The following CADM2 variants were observed in gnomAD, a reference collection of about 807,000 sequenced individuals.
The protein encoded by CADM2 is cell adhesion molecule 2.
In CADM2, 12 loss-of-function variants were observed where a neutral mutation model predicts 49.8. The observed-to-expected ratio is 0.24, with a 90% confidence interval of 0.15 to 0.39. The LOEUF is 0.39. CADM2 is among the 10% of genes least tolerant of loss of function. CADM2 has a pLI of 1.00. For missense variants in CADM2, 378 were observed against 492.3 expected (o/e 0.77, Z 2.20); for synonymous variants, 214 against 175.4 (o/e 1.22, Z -1.74).
At chr3:85,693,918 A>G (rs973528070) in intron 1 of CADM2, among the ~76,000 whole-genome samples, 4 of 151,498 alleles carry the variant, frequency 2.6e-5, no homozygotes, top group Non-Finnish European at 4.4e-5. Context: ...GAAAAAAGAA[A>G]AAAAAAAGAA....
At chr3:85,325,477 C>T (rs569330564) in intron 1 of CADM2, among the ~76,000 whole-genome samples, 2 of 152,100 alleles carry the variant, frequency 1.3e-5, no homozygotes, top group East Asian at 3.9e-4. Context: ...TTTGGGAGGC[C>T]GAGGCAGGCG....
intron 8 of CADM2, among the ~76,000 whole-genome samples, chr3:85,983,998 T>C (rs1577862015): frequency 6.7e-6 from 1 of 150,278 alleles, no homozygotes; most frequent in African/African-American, 2.4e-5. Context: ...TATATACATA[T>C]GTGTATATAT....
chr3:85,208,246 G>T (rs903056924), intron 1 of CADM2, among the ~76,000 whole-genome samples: 1 of 152,098 alleles, frequency 6.6e-6, no homozygotes, highest in Non-Finnish European at 1.5e-5. Flanking sequence ...AATTTAATTT[G>T]AAGATTTTAA....
chr3:86,035,490 A>G (rs1735048962), intron 8 of CADM2, among the ~76,000 whole-genome samples: 2 of 152,160 alleles, frequency 1.3e-5, no homozygotes, highest in East Asian at 1.9e-4. Context: ...ATAAAGATTA[A>G]AAAAACTACC....
intron 1 of CADM2, among the ~76,000 whole-genome samples, chr3:85,450,523 T>C (rs548856969): frequency 6.6e-6 from 1 of 151,978 alleles, no homozygotes; most frequent in Non-Finnish European, 1.5e-5. Context: ...ATGAATATAA[T>C]AAATGCAATA....
At chr3:84,985,601 G>A (rs914050161) in intron 1 of CADM2, among the ~76,000 whole-genome samples, 28 of 152,106 alleles carry the variant, frequency 1.8e-4, no homozygotes, top group African/African-American at 5.8e-4. Flanking sequence ...TGATGTTTGC[G>A]TCTTTGATGC....
chr3:85,121,016 A>G (rs536509894), intron 1 of CADM2, among the ~76,000 whole-genome samples: 6 of 152,150 alleles, frequency 3.9e-5, no homozygotes, highest in Non-Finnish European at 8.8e-5. Flanking sequence ...GAATCCAGAG[A>G]TACTTTGAAA....
intron 8 of CADM2, among the ~76,000 whole-genome samples, chr3:85,974,023 G>GTA (rs1263783125): frequency 2.0e-5 from 3 of 151,650 alleles, no homozygotes; most frequent in Non-Finnish European, 2.9e-5. Context: ...TTGGCTCAGA[G>GTA]TATATTTGTC....
chr3:84,980,354 A>G (rs1447770966), intron 1 of CADM2, among the ~76,000 whole-genome samples: 1 of 152,176 alleles, frequency 6.6e-6, no homozygotes, highest in Non-Finnish European at 1.5e-5. Flanking sequence ...GGTGATGATC[A>G]CCTCACTTAC....
intron 3 of CADM2, among the ~76,000 whole-genome samples, chr3:85,809,763 C>CCT (rs575170244): frequency 0.03 from 1,553 of 51,900 alleles, 141 homozygotes; most frequent in African/African-American, 0.22. Context: ...TCCCTCCCTC[C>CCT]CTCTCTCTCT....
In CADM2 at chr3:85,937,305, T is replaced by G. The variant is rs943359104; in HGVS notation, c.791+1448T>G. 7.2e-5 allele frequency among the ~76,000 whole-genome samples: 11 copies of G among 152,014 alleles called. 1 individual carries two copies. In the South Asian group the frequency reaches 1.0e-3, roughly 14 times the overall value. ...AATGAAAAGCACAATAATTTCTTAT[T>G]TATTTTATTTAAGAATACAAATTTC... On this transcript the variant is annotated intron_variant, in intron 7 of 9. Coordinates refer to ENST00000383699, the MANE Select transcript of CADM2 (RefSeq NM_001167675.2).
intron 1 of CADM2, among the ~76,000 whole-genome samples, chr3:85,302,327 C>T (rs1247079829): frequency 6.6e-6 from 1 of 151,976 alleles, no homozygotes; most frequent in Non-Finnish European, 1.5e-5. Flanking sequence ...GTAAATTTCC[C>T]CAAATCCCAT....
intron 8 of CADM2, among the ~76,000 whole-genome samples, chr3:86,006,860 G>A (rs569888598): frequency 1.6e-4 from 24 of 151,860 alleles, no homozygotes; most frequent in Non-Finnish European, 3.2e-4. Flanking sequence ...GGCCAACATG[G>A]TGAAACCCCA....
intron 1 of CADM2, among the ~76,000 whole-genome samples, chr3:85,247,317 G>C (rs1234770742): frequency 6.6e-6 from 1 of 151,990 alleles, no homozygotes; most frequent in South Asian, 2.1e-4. Context: ...TTAGTGATGA[G>C]GAATTTAGTT....
chr3:85,733,222 G>T (rs2068007262), intron 2 of CADM2, among the ~76,000 whole-genome samples: 1 of 152,184 alleles, frequency 6.6e-6, no homozygotes, highest in African/African-American at 2.4e-5. Flanking sequence ...GATGAGTAAG[G>T]TTCTAGAAAA....
intron 6 of CADM2, among the ~76,000 whole-genome samples, chr3:85,918,845 T>C (rs1297437784): frequency 6.6e-6 from 1 of 152,206 alleles, no homozygotes; most frequent in African/African-American, 2.4e-5. Flanking sequence ...AAAATAACTT[T>C]TTATTTGTGA....
intron 1 of CADM2, among the ~76,000 whole-genome samples, chr3:85,173,743 A>G (rs2107689546): frequency 6.6e-6 from 1 of 152,310 alleles, no homozygotes; most frequent in East Asian, 1.9e-4. Context: ...TTTAAGCTAT[A>G]GCGACAGGCA....
chr3:85,541,182 GTA>G (rs2061529862), intron 1 of CADM2, among the ~76,000 whole-genome samples: 1 of 150,558 alleles, frequency 6.6e-6, no homozygotes, highest in Non-Finnish European at 1.5e-5. Flanking sequence ...ATACATGCGT[GTA>G]TATATATTAG....
At chr3:85,575,874 ATGAG>A (rs2062618778) in intron 1 of CADM2, among the ~76,000 whole-genome samples, 3 of 152,222 alleles carry the variant, frequency 2.0e-5, no homozygotes, top group African/African-American at 4.8e-5. Context: ...TCAGCATAGA[ATGAG>A]TATGTACTGA....
Sources: allele counts gnomAD v4.1 joint callset (sites outside exome capture counted in the v4.1 genomes callset), GRCh38; gene constraint gnomAD v4.1.1; transcripts MANE v1.5; gene names NCBI Gene and HGNC (gene_info 2026-07-23, HGNC 2026-07-21).